The following B4GALT5 variants were observed in gnomAD, a reference collection of about 807,000 sequenced individuals.
The protein encoded by B4GALT5 is beta-1,4-galactosyltransferase 5, also known as UDP-Gal:beta-GlcNAc beta-1,4-galactosyltransferase 5.
B4GALT5 carries 11 observed loss-of-function variants against 45.0 expected under a neutral mutation model. The ratio of observed to expected loss-of-function variants is 0.24; its 90% CI spans 0.15 to 0.40. The LOEUF (loss-of-function observed/expected upper bound fraction) is 0.40, where lower values mean the gene tolerates loss of function less well. Among genes scored for constraint, B4GALT5 ranks in the 10% least tolerant of loss-of-function variants. The pLI, the probability that B4GALT5 is intolerant of heterozygous loss-of-function variation, is 1.00. For missense variants in B4GALT5, 337 were observed against 500.2 expected, an observed-to-expected ratio of 0.67 and a Z score of 3.11; for synonymous variants, 185 against 182.9, an observed-to-expected ratio of 1.01 and a Z score of -0.09.
At chr20:49,699,517 G>A (rs956828492) in intron 1 of B4GALT5, among the ~76,000 whole-genome samples, 12 of 152,084 alleles carry the variant, frequency 7.9e-5, no homozygotes, top group African/African-American at 2.4e-4. Flanking sequence ...CAAGGGATAC[G>A]TTCTGAAATT....
intron 1 of B4GALT5, among the ~76,000 whole-genome samples, chr20:49,657,602 G>C (rs2085648549): frequency 6.6e-6 from 1 of 152,182 alleles, no homozygotes; most frequent in South Asian, 2.1e-4. Flanking sequence ...CATTGTGAAA[G>C]GGGGATGTGT....
At chr20:49,644,092 T>G (rs1162754508) in intron 3 of B4GALT5, among the ~76,000 whole-genome samples, 1 of 152,024 alleles carries the variant, frequency 6.6e-6, no homozygotes, top group Admixed American at 6.6e-5. Context: ...CACACCCAGC[T>G]AATTTTGTAT....
At chr20:49,677,841 G>C (rs975538319) in intron 1 of B4GALT5, among the ~76,000 whole-genome samples, 1 of 152,206 alleles carries the variant, frequency 6.6e-6, no homozygotes, top group Admixed American at 6.5e-5. Context: ...CGCCTCCCAA[G>C]TTGAAGCAAT....
chr20:49,703,232 T>C (rs1333956326), intron 1 of B4GALT5, among the ~76,000 whole-genome samples: 1 of 151,486 alleles, frequency 6.6e-6, no homozygotes, highest in Admixed American at 6.6e-5. Context: ...CACTAAACTG[T>C]ACACTTAATT....
At chr20:49,655,922 C>A (rs1224405322) in intron 2 of B4GALT5, among the ~76,000 whole-genome samples, 2 of 98,960 alleles carry the variant, frequency 2.0e-5, no homozygotes, top group Non-Finnish European at 4.2e-5. Flanking sequence ...GAGCAAAACT[C>A]CGTCTCAAAA....
rs183288898 is a variant in B4GALT5 at position 49,655,532 on chromosome 20, T to A, written c.250+1036A>T. On this transcript the variant is annotated intron_variant, in intron 2 of 8. Coordinates refer to ENST00000371711, the MANE Select transcript of B4GALT5 (RefSeq NM_004776.4). Reference sequence around the variant, plus strand: ...AAGATGAAATCTCAGAATCTATTTTTTAAATAAAAACCATCCCTGGCTGGA... The same window carrying A: ...AAGATGAAATCTCAGAATCTATTTTATAAATAAAAACCATCCCTGGCTGGA... Among the ~76,000 whole-genome samples, 5 of 152,278 alleles carry A rather than the reference T, an allele frequency of 3.3e-5. No homozygotes were observed. The East Asian group carries it at 9.6e-4, about 29-fold the overall frequency.
intron 1 of B4GALT5, among the ~76,000 whole-genome samples, chr20:49,683,943 C>A (rs1293186229): frequency 6.6e-6 from 1 of 150,448 alleles, no homozygotes; most frequent in Non-Finnish European, 1.5e-5. Flanking sequence ...AAGTTTGAGA[C>A]CAGCCTGGCC....
chr20:49,709,636 G>A (rs968731765), intron 1 of B4GALT5, among the ~76,000 whole-genome samples: 4 of 152,068 alleles, frequency 2.6e-5, no homozygotes, highest in Admixed American at 6.6e-5. Flanking sequence ...GCCAGTGGTG[G>A]CAAGCGCCTA....
chr20:49,650,461 A>T (rs1288602020), intron 2 of B4GALT5, among the ~76,000 whole-genome samples: 6 of 30,532 alleles, frequency 2.0e-4, no homozygotes, highest in Admixed American at 1.6e-3. Flanking sequence ...TCTGCTAAAA[A>T]AAAAAAAAAA....
chr20:49,689,008 T>C (rs968149), intron 1 of B4GALT5, among the ~76,000 whole-genome samples: 2,414 of 151,256 alleles, frequency 0.016, 39 homozygotes, highest in East Asian at 0.082. Flanking sequence ...AGAGAATGAT[T>C]GATCCAAAAG....
intron 1 of B4GALT5, among the ~76,000 whole-genome samples, chr20:49,713,208 G>A (rs2085926261): frequency 6.6e-6 from 1 of 151,940 alleles, no homozygotes; most frequent in Admixed American, 6.6e-5. Context: ...GGAGACCCCG[G>A]GGAAGGGAAG....
chr20:49,682,630 C>A (rs528762874), intron 1 of B4GALT5, among the ~76,000 whole-genome samples: 15 of 152,248 alleles, frequency 9.9e-5, no homozygotes, highest in African/African-American at 3.1e-4. Context: ...TTTAAAATTG[C>A]AAAATTTCCT....
chr20:49,680,197 A>G (rs1304489654), intron 1 of B4GALT5, among the ~76,000 whole-genome samples: 1 of 152,228 alleles, frequency 6.6e-6, no homozygotes, highest in African/African-American at 2.4e-5. Context: ...AGTAGCACAA[A>G]TAAGAGGGCT....
intron 1 of B4GALT5, among the ~76,000 whole-genome samples, chr20:49,688,339 C>T (rs571245540): frequency 6.6e-6 from 1 of 152,096 alleles, no homozygotes; most frequent in Non-Finnish European, 1.5e-5. Context: ...TCAGGACACA[C>T]CGTGGGGGAC....
chr20:49,656,801 T>A, intron 1 of B4GALT5, 99 bp from the exon 2 acceptor site: 1 of 1,491,528 alleles, frequency 6.7e-7, no homozygotes, highest in Non-Finnish European at 9.2e-7. Flanking sequence ...TTTGGACTTT[T>A]AAAGCCTCTT....
chr20:49,663,703 A>AAAAAC (rs2085676670), intron 1 of B4GALT5, among the ~76,000 whole-genome samples: 1 of 113,208 alleles, frequency 8.8e-6, no homozygotes, highest in Non-Finnish European at 1.8e-5. Context: ...ATATACATAT[A>AAAAAC]TATATATATA....
At chr20:49,656,014 A>G (rs1026641082) in intron 2 of B4GALT5, among the ~76,000 whole-genome samples, 2 of 151,950 alleles carry the variant, frequency 1.3e-5, no homozygotes, top group Non-Finnish European at 2.9e-5. Flanking sequence ...TGCACACCTC[A>G]TGCTGAAATG....
chr20:49,677,411 T>C (rs1265048397), intron 1 of B4GALT5, among the ~76,000 whole-genome samples: 1 of 152,202 alleles, frequency 6.6e-6, no homozygotes, highest in Non-Finnish European at 1.5e-5. Context: ...CACTATTCTT[T>C]AATCCACTGA....
At position 49,695,530 on chromosome 20, in the gene B4GALT5, G is replaced by A. The variant is rs145833371; in HGVS notation, c.115+18046C>T. On this transcript the variant is annotated intron_variant, in intron 1 of 8. Coordinates refer to ENST00000371711, the MANE Select transcript of B4GALT5 (RefSeq NM_004776.4). ...GGGTTCAAGCGATTCTCCTGCCTCA[G>A]CCTCCCGAGTAGCTGGGATTACAAG... Among the ~76,000 whole-genome samples, 985 of 151,944 alleles carry A rather than the reference G, an allele frequency of 6.5e-3. 9 individuals carry two copies. The highest frequency in any genetic ancestry group is 0.023 in the African/African-American group (949 of 41,420).
Sources: allele counts gnomAD v4.1 joint callset (sites outside exome capture counted in the v4.1 genomes callset), GRCh38; gene constraint gnomAD v4.1.1; transcripts MANE v1.5; gene names NCBI Gene and HGNC (gene_info 2026-07-23, HGNC 2026-07-21).